The following USP37 variants were observed in gnomAD, a reference collection of about 807,000 sequenced individuals.
USP37 encodes the protein ubiquitin carboxyl-terminal hydrolase 37.
In USP37, 27 loss-of-function variants were observed where a neutral mutation model predicts 124.0. That is an observed-to-expected ratio of 0.22 (90% CI 0.16 to 0.30). The LOEUF (loss-of-function observed/expected upper bound fraction) is 0.30, where lower values mean the gene tolerates loss of function less well. Among genes scored for constraint, USP37 ranks in the 10% least tolerant of loss-of-function variants. USP37 has a pLI of 1.00. For synonymous variants in USP37, 365 were observed against 388.0 expected (o/e 0.94, Z 0.70); for missense variants, 889 against 1,140.4 (o/e 0.78, Z 3.17).
rs528446053 is a variant in USP37, at chr2:218,500,283, G to A, written c.1026-2126C>T. 5.3e-5 allele frequency among the ~76,000 whole-genome samples: 8 copies of A among 149,816 alleles called. No homozygotes were observed. In the East Asian group the frequency reaches 1.0e-3, roughly 19 times the overall value. Reference sequence around the variant, plus strand: ...TTTATTTATTTATTTATTTTGAGACGGAGCCTTGCTCTGTTGCCCAGGCTG... The same window carrying A: ...TTTATTTATTTATTTATTTTGAGACAGAGCCTTGCTCTGTTGCCCAGGCTG... On this transcript the variant is annotated intron_variant, in intron 11 of 25. Transcript: ENST00000258399.
intron 20 of USP37, among the ~76,000 whole-genome samples, 166 bp downstream of exon 20, chr2:218,474,464 G>A (rs762988467): frequency 1.3e-5 from 2 of 151,912 alleles, no homozygotes; most frequent in Admixed American, 6.6e-5. Context: ...CGGTTCAAGC[G>A]AATTCTCCTG....
chr2:218,488,661 G>C (rs549447494), intron 14 of USP37, among the ~76,000 whole-genome samples: 15 of 152,232 alleles, frequency 9.9e-5, no homozygotes, highest in Non-Finnish European at 2.2e-4. Flanking sequence ...GTGAGATGCA[G>C]TTTCGCTCTT....
chr2:218,556,912 G>T (rs572212013), intron 4 of USP37, among the ~76,000 whole-genome samples: 1 of 152,242 alleles, frequency 6.6e-6, no homozygotes, highest in South Asian at 2.1e-4. Flanking sequence ...TTTCAGACAG[G>T]ATCCTGCTTT....
intron 8 of USP37, among the ~76,000 whole-genome samples, chr2:218,544,907 C>T (rs963722980): frequency 6.6e-6 from 1 of 152,088 alleles, no homozygotes; most frequent in Non-Finnish European, 1.5e-5. Context: ...AATTAACATG[C>T]CTTTTAGTTT....
Position 218,477,001 on chromosome 2 carries a change from A to C in USP37, c.1902-20T>G, listed in dbSNP as rs763412339. The C allele has an allele frequency of 2.0e-6, 3 of 1,500,588 alleles. No homozygotes were observed. The East Asian group carries it at 7.3e-5, about 36-fold the overall frequency. The allele number at this position is 1,500,588 out of a possible 1,614,324, so 93.0% of individuals were successfully genotyped here. A position where few individuals can be genotyped will look rare whatever the true frequency, so the allele number is the denominator to read the frequency against. ...AATTTCCTGTAATTTAAGGAAAAAA[A>C]AAAAAGCCTGATAAACATTTGTCTT... On this transcript the variant is annotated intron_variant, in intron 18 of 25. Coordinates refer to ENST00000258399, the MANE Select transcript of USP37 (RefSeq NM_020935.3).
intron 19 of USP37, among the ~76,000 whole-genome samples, chr2:218,476,230 A>T (rs1690967199): frequency 6.6e-6 from 1 of 152,194 alleles, no homozygotes. Flanking sequence ...CAATTAGATT[A>T]CTTGGTTGCT....
intron 17 of USP37, among the ~76,000 whole-genome samples, chr2:218,480,195 G>A (rs111760110): frequency 0.013 from 1,929 of 150,290 alleles, 48 homozygotes; most frequent in African/African-American, 0.045. Context: ...TCAGGAGATC[G>A]AGACCATCCT....
chr2:218,478,139 G>A (rs981294656), intron 18 of USP37, among the ~76,000 whole-genome samples: 7 of 152,138 alleles, frequency 4.6e-5, no homozygotes, highest in Non-Finnish European at 1.0e-4. Context: ...GGCCAGAGTG[G>A]AAATCAGGAA....
intron 17 of USP37, 57 bp from the exon 18 acceptor site, chr2:218,479,772 T>C: frequency 9.8e-7 from 1 of 1,018,590 alleles, no homozygotes; most frequent in Non-Finnish European, 1.3e-6. Flanking sequence ...AAGATATATA[T>C]TTAAATTATA....
At chr2:218,558,238 A>G (rs1035832764) in intron 4 of USP37, among the ~76,000 whole-genome samples, 2 of 152,200 alleles carry the variant, frequency 1.3e-5, no homozygotes, top group Admixed American at 6.5e-5. Flanking sequence ...TTAGATATAC[A>G]GTATCCGAAC....
chr2:218,550,376 T>C (rs984001042), intron 5 of USP37, among the ~76,000 whole-genome samples: 3 of 152,132 alleles, frequency 2.0e-5, no homozygotes, highest in African/African-American at 4.8e-5. Context: ...AAACTAATGG[T>C]AGTTCAAGGA....
intron 10 of USP37, among the ~76,000 whole-genome samples, chr2:218,511,723 A>T (rs912015368): frequency 6.6e-5 from 10 of 152,118 alleles, no homozygotes; most frequent in Admixed American, 1.3e-4. Flanking sequence ...CTAGGATTAC[A>T]GGCGTGAGCC....
chr2:218,549,771 A>G (rs781498996), intron 6 of USP37, 38 bp downstream of exon 6: 12 of 1,588,618 alleles, frequency 7.6e-6, no homozygotes, highest in Middle Eastern at 1.7e-4. Flanking sequence ...GCCAACTATC[A>G]TTTTTTTTAA....
chr2:218,566,664 C>T (rs1161899480), intron 1 of USP37, among the ~76,000 whole-genome samples: 1 of 152,184 alleles, frequency 6.6e-6, no homozygotes, highest in Non-Finnish European at 1.5e-5. Flanking sequence ...ACTTAATCCT[C>T]ATAACAATCC....
At chr2:218,539,182 C>T (rs1691832876) in intron 8 of USP37, among the ~76,000 whole-genome samples, 1 of 151,934 alleles carries the variant, frequency 6.6e-6, no homozygotes, top group Non-Finnish European at 1.5e-5. Flanking sequence ...TGGTCTTGAA[C>T]TCCAGGACTC....
intron 10 of USP37, among the ~76,000 whole-genome samples, chr2:218,526,089 T>C (rs923279913): frequency 6.6e-6 from 1 of 152,254 alleles, no homozygotes; most frequent in African/African-American, 2.4e-5. Flanking sequence ...AGTCTATCAC[T>C]GATGAGCATT....
chr2:218,555,330 T>C (rs1433430474), intron 4 of USP37, among the ~76,000 whole-genome samples: 1 of 135,586 alleles, frequency 7.4e-6, no homozygotes, highest in Non-Finnish European at 1.6e-5. Context: ...TGTTAATTAT[T>C]AGATAAGAAT....
At chr2:218,460,408 T>C (rs999789051) in intron 22 of USP37, among the ~76,000 whole-genome samples, 6 of 152,206 alleles carry the variant, frequency 3.9e-5, no homozygotes, top group Non-Finnish European at 7.4e-5. Context: ...ACGGGAGACA[T>C]GGTATCTGTA....
chr2:218,489,014 C>G (rs1691755539), intron 14 of USP37, among the ~76,000 whole-genome samples: 1 of 152,086 alleles, frequency 6.6e-6, no homozygotes, highest in Admixed American at 6.5e-5. Context: ...GAACCTGTCG[C>G]AGGTATACAG....
Sources: gnomAD v4.1 joint callset for allele counts (sites outside exome capture counted in the v4.1 genomes callset) on GRCh38, gnomAD v4.1.1 for gene constraint, MANE v1.5 for transcripts, NCBI Gene and HGNC (gene_info 2026-07-23, HGNC 2026-07-21) for gene names.